The following XYLT1 variants were observed in gnomAD, a reference collection of about 807,000 sequenced individuals.
XYLT1 encodes xylosyltransferase 1.
A neutral mutation model predicts 91.3 loss-of-function variants in XYLT1; 36 were observed. The observed-to-expected ratio is 0.39, with a 90% CI of 0.30 to 0.52. XYLT1 has a LOEUF of 0.52. Among genes scored for constraint, XYLT1 ranks in the 20% least tolerant of loss-of-function variants. XYLT1 has a pLI of 0.68. For synonymous variants in XYLT1, 588 were observed against 532.0 expected, an observed-to-expected ratio of 1.11 and a Z score of -1.45; for missense variants, 1,242 against 1,284.5, an observed-to-expected ratio of 0.97 and a Z score of 0.51.
intron 9 of XYLT1, among the ~76,000 whole-genome samples, chr16:17,131,384 T>TTTTC (rs748299423): frequency 7.2e-5 from 11 of 152,302 alleles, no homozygotes; most frequent in South Asian, 4.1e-4. Flanking sequence ...CCAAAGCTGT[T>TTTTC]TTTCTTTCTT....
chr16:17,193,959 G>A (rs1350421400), intron 5 of XYLT1: 2 of 152,266 alleles, frequency 1.3e-5, no homozygotes, highest in East Asian at 3.9e-4. Context: ...GATCAGTGAA[G>A]TAGAGGAAGA....
chr16:17,303,832 T>A (rs991688236), intron 2 of XYLT1, among the ~76,000 whole-genome samples: 5 of 152,188 alleles, frequency 3.3e-5, no homozygotes, highest in African/African-American at 1.2e-4. Context: ...AGATGAAGAT[T>A]TTTTTTCCCA....
At position 17,283,507 on chromosome 16, in the gene XYLT1, T is replaced by C. The variant is rs567869405; in HGVS notation, c.403-24009A>G. ...ACACGCACACACTCCTCGCCTGCCA[T>C]GACAGTGAGATTCTCACTTGACATT... is the stretch of plus-strand genomic sequence containing the variant. On this transcript the variant is annotated intron_variant, in intron 2 of 11. Coordinates refer to ENST00000261381, the MANE Select transcript of XYLT1 (RefSeq NM_022166.4). Among the ~76,000 whole-genome samples, 47 of 152,348 alleles carry C rather than the reference T, an allele frequency of 3.1e-4. No homozygotes were observed. The South Asian group carries it at 3.7e-3, about 12-fold the overall frequency.
At chr16:17,223,544 C>G (rs1157871629) in intron 3 of XYLT1, among the ~76,000 whole-genome samples, 1 of 152,260 alleles carries the variant, frequency 6.6e-6, no homozygotes, top group African/African-American at 2.4e-5. Flanking sequence ...GTGCATGCTT[C>G]TCTGTGCTAT....
chr16:17,304,749 G>T (rs781360804), intron 2 of XYLT1, among the ~76,000 whole-genome samples: 1 of 152,012 alleles, frequency 6.6e-6, no homozygotes, highest in Non-Finnish European at 1.5e-5. Flanking sequence ...CTTTGCCCAC[G>T]GTGAGTAAGG....
At chr16:17,115,270 G>C (rs1468280716) in intron 11 of XYLT1, among the ~76,000 whole-genome samples, 1 of 125,412 alleles carries the variant, frequency 8.0e-6, no homozygotes, top group Non-Finnish European at 1.6e-5. Context: ...AGGAGTTTGA[G>C]ACCAGCCAGG....
At chr16:17,447,296 G>A (rs142917232) in intron 1 of XYLT1, among the ~76,000 whole-genome samples, 21 of 152,242 alleles carry the variant, frequency 1.4e-4, no homozygotes, top group African/African-American at 4.8e-4. Flanking sequence ...AGCCTGGGAG[G>A]GACCTGACAG....
chr16:17,112,080 TAACA>T (rs1385884588), intron 11 of XYLT1, among the ~76,000 whole-genome samples: 1 of 152,078 alleles, frequency 6.6e-6, no homozygotes, highest in Admixed American at 6.6e-5. Flanking sequence ...AAAGAGCAGC[TAACA>T]AACCTGCGAA....
intron 2 of XYLT1, among the ~76,000 whole-genome samples, chr16:17,322,026 G>C (rs1033566277): frequency 6.6e-6 from 1 of 152,130 alleles, no homozygotes; most frequent in Admixed American, 6.6e-5. Flanking sequence ...GATGTTTCAC[G>C]AATAATGACA....
chr16:17,110,143 T>A (rs1015159720), intron 11 of XYLT1, among the ~76,000 whole-genome samples: 1 of 152,224 alleles, frequency 6.6e-6, no homozygotes, highest in Admixed American at 6.5e-5. Context: ...TACCTCAGTT[T>A]CTTCATCAAT....
In XYLT1 at chr16:17,103,443, C is replaced by A. The variant is rs1377920161; in HGVS notation, c.*5252G>T. On this transcript the variant is annotated 3_prime_UTR_variant, in exon 12 of 12. Coordinates refer to ENST00000261381, the MANE Select transcript of XYLT1 (RefSeq NM_022166.4). ...TGTAAGCAATTCCTATAGCATCTGCCAACTACAGATTGGCAGCCCCTTCCT... is the reference window on the plus strand; with the variant it reads ...TGTAAGCAATTCCTATAGCATCTGCAAACTACAGATTGGCAGCCCCTTCCT... 6.6e-6 allele frequency: 1 copy of A among 152,156 alleles called. No individual in the cohort carries two copies. Among genetic ancestry groups the A allele is most frequent in the East Asian group, 1.9e-4 (1 of 5,192 alleles). 9.4% of individuals were successfully genotyped at this position (152,156 alleles called of 1,614,324 possible).
Position 17,470,121 on chromosome 16 carries a change from T to A in XYLT1, c.363+313A>T, listed in dbSNP as rs1465726684. On this transcript the variant is annotated intron_variant, in intron 1 of 11. Coordinates refer to ENST00000261381, the MANE Select transcript of XYLT1 (RefSeq NM_022166.4). The stretch of plus-strand genomic sequence containing the variant: ...CCAAGACCTACACGCACGGAGCAAG[T>A]CACCTGGGGTCCCCAGCAAGAGTGA... Among the ~76,000 whole-genome samples the A allele has an allele frequency of 2.0e-5, 3 of 152,030 alleles. No homozygotes were observed. In the East Asian group the frequency reaches 5.8e-4, roughly 30 times the overall value.
At chr16:17,341,407 G>A (rs537713984) in intron 2 of XYLT1, among the ~76,000 whole-genome samples, 1 of 152,206 alleles carries the variant, frequency 6.6e-6, no homozygotes, top group Non-Finnish European at 1.5e-5. Flanking sequence ...TGTGCTGACA[G>A]GAGATGAGTG....
intron 1 of XYLT1, among the ~76,000 whole-genome samples, chr16:17,362,865 A>G (rs1161705288): frequency 6.6e-6 from 1 of 152,236 alleles, no homozygotes; most frequent in Admixed American, 6.5e-5. Context: ...AGAGCCAGGT[A>G]TCTCCGTGAA....
At chr16:17,452,080 A>G (rs1273043032) in intron 1 of XYLT1, among the ~76,000 whole-genome samples, 2 of 152,152 alleles carry the variant, frequency 1.3e-5, no homozygotes, top group African/African-American at 4.8e-5. Flanking sequence ...CCCTTACTCA[A>G]TTGCTATAAG....
At chr16:17,415,391 T>C (rs1233954571) in intron 1 of XYLT1, among the ~76,000 whole-genome samples, 1 of 152,054 alleles carries the variant, frequency 6.6e-6, no homozygotes, top group African/African-American at 2.4e-5. Context: ...TGAGGGGTAA[T>C]CTCAGAAATA....
chr16:17,241,113 C>T (rs755938127), intron 3 of XYLT1, among the ~76,000 whole-genome samples: 12 of 152,218 alleles, frequency 7.9e-5, no homozygotes, highest in African/African-American at 2.2e-4. Flanking sequence ...GGCTGAGCTC[C>T]GCTGATCTGC....
intron 3 of XYLT1, among the ~76,000 whole-genome samples, chr16:17,257,399 A>G (rs2033650192): frequency 6.6e-6 from 1 of 152,206 alleles, no homozygotes; most frequent in Admixed American, 6.5e-5. Context: ...TGCTAGTGGC[A>G]CCAACTCTTC....
At chr16:17,439,639 C>T (rs1204004917) in intron 1 of XYLT1, among the ~76,000 whole-genome samples, 7 of 152,220 alleles carry the variant, frequency 4.6e-5, no homozygotes, top group Admixed American at 3.3e-4. Flanking sequence ...TGTTGTAATC[C>T]GGCTAGAAAA....
Sources: allele counts gnomAD v4.1 joint callset (sites outside exome capture counted in the v4.1 genomes callset), GRCh38; gene constraint gnomAD v4.1.1; transcripts MANE v1.5; gene names NCBI Gene and HGNC (gene_info 2026-07-23, HGNC 2026-07-21).